LPP: variants seen among roughly 807,000 people sequenced by gnomAD.
The protein encoded by LPP is lipoma-preferred partner.
In LPP, 38 loss-of-function variants were observed where a neutral mutation model predicts 60.4. The ratio of observed to expected loss-of-function variants is 0.63; its 90% confidence interval spans 0.49 to 0.83. The LOEUF (loss-of-function observed/expected upper bound fraction) is 0.83. LPP is among the 40% of genes least tolerant of loss of function. The probability of loss-of-function intolerance (pLI) is 0.00; values close to 1 mark genes in which losing one functional copy is unlikely to be tolerated. For synonymous variants in LPP, 328 were observed against 290.8 expected (o/e 1.13, Z -1.30); for missense variants, 902 against 783.6 (o/e 1.15, Z -1.80).
chr3:188,744,557 T>A (rs1725504935), intron 8 of LPP, among the ~76,000 whole-genome samples: 1 of 152,194 alleles, frequency 6.6e-6, no homozygotes, highest in African/African-American at 2.4e-5. Flanking sequence ...TATTTAACTA[T>A]CCTGAGCCTC....
chr3:188,277,196 A>T (rs6776001), intron 2 of LPP, among the ~76,000 whole-genome samples: 1 of 151,888 alleles, frequency 6.6e-6, no homozygotes, highest in Non-Finnish European at 1.5e-5. Context: ...GAGCCACCTC[A>T]CCTGGCCAAC....
intron 7 of LPP, among the ~76,000 whole-genome samples, chr3:188,625,278 C>T (rs189561138): frequency 1.1e-4 from 17 of 152,110 alleles, no homozygotes; most frequent in African/African-American, 4.1e-4. Flanking sequence ...CATAAGAAAA[C>T]TAAGACCCAC....
At chr3:188,302,515 A>C (rs1380051343) in intron 2 of LPP, among the ~76,000 whole-genome samples, 1 of 152,226 alleles carries the variant, frequency 6.6e-6, no homozygotes, top group Non-Finnish European at 1.5e-5. Context: ...TGTGGATATA[A>C]GATTGCATTT....
chr3:188,226,392 C>A (rs1329662932), intron 2 of LPP, among the ~76,000 whole-genome samples: 2 of 152,104 alleles, frequency 1.3e-5, no homozygotes, highest in African/African-American at 4.8e-5. Context: ...TTTTAAAGGG[C>A]CTGCCAGAGC....
chr3:188,369,231 C>T (rs1196011316), intron 3 of LPP, among the ~76,000 whole-genome samples: 2 of 151,944 alleles, frequency 1.3e-5, no homozygotes, highest in Non-Finnish European at 2.9e-5. Context: ...AAAAACAGTT[C>T]TTATGCCTCT....
In LPP at chr3:188,609,350, C is replaced by G; in HGVS notation, c.619C>G (p.Pro207Ala). 3 of 1,614,132 alleles carry G rather than the reference C, an allele frequency of 1.9e-6. No individual in the cohort carries two copies. Among genetic ancestry groups the G allele is most frequent in the Non-Finnish European group, 1.7e-6 (2 of 1,180,040 alleles). ...GTLKPQPQPVPASYTTASTSS... is the reference protein window; with the variant it reads ...GTLKPQPQPVAASYTTASTSS... ...ACTCAAACCCCAGCCTCAGCCAGTC[C>G]CAGCCTCCTACACCACGGCCTCCAC... Residue 207 changes from proline to alanine, a missense_variant, in exon 7 of 12, where the codon CCA becomes GCA. Transcript: ENST00000617246. The surrounding 1 kb of genome is among the most constrained non-coding windows in gnomAD (Gnocchi z 6.9).
intron 9 of LPP, among the ~76,000 whole-genome samples, chr3:188,801,670 T>A (rs1380354715): frequency 7.9e-5 from 12 of 152,184 alleles, no homozygotes. Context: ...ATGTCTTGAC[T>A]CTTAGTACAG....
rs558121254 is a variant in LPP at position 188,657,356 on chromosome 3, G to A, written c.1113+47512G>A. Among the ~76,000 whole-genome samples the A allele has an allele frequency of 1.5e-4, 22 of 146,870 alleles. No individual in the cohort carries two copies. In the East Asian group the frequency reaches 4.5e-3, roughly 30 times the overall value. ...TATGGATAAAAAATGTATAAAAAAGGCAAAGAATTCTGTGAGTGTCATTAC... is the reference window on the plus strand; with the variant it reads ...TATGGATAAAAAATGTATAAAAAAGACAAAGAATTCTGTGAGTGTCATTAC... On this transcript the variant is annotated intron_variant, in intron 7 of 11. Transcript: ENST00000617246.
At chr3:188,412,199 T>G (rs2148934377) in intron 4 of LPP, among the ~76,000 whole-genome samples, 1 of 152,204 alleles carries the variant, frequency 6.6e-6, no homozygotes, top group African/African-American at 2.4e-5. Flanking sequence ...GACATGCCAG[T>G]TCTCACTCTT....
intron 9 of LPP, among the ~76,000 whole-genome samples, chr3:188,848,549 A>C (rs1373529721): frequency 4.6e-5 from 7 of 152,244 alleles, no homozygotes; most frequent in Admixed American, 4.6e-4. Context: ...TCCTTATGGC[A>C]TGCCATTCTG....
chr3:188,879,537 G>A lies in LPP; in HGVS notation c.*5058G>A. 1 of 195,038 alleles carries A rather than the reference G, an allele frequency of 5.1e-6. No individual in the cohort carries two copies. The highest frequency in any genetic ancestry group is 1.1e-5 in the Non-Finnish European group (1 of 93,722). The allele number at this position is 195,038 out of a possible 1,614,324, so 12.1% of individuals were successfully genotyped here. A position where few individuals can be genotyped will look rare whatever the true frequency, so the allele number is the denominator to read the frequency against. ...TTTCATGTTAATGAATTTTCATCAG[G>A]GACTGAGGTCATAGATTCTTGGAAA... is the stretch of plus-strand genomic sequence containing the variant. On this transcript the variant is annotated 3_prime_UTR_variant, in exon 12 of 12. Transcript: ENST00000617246.
chr3:188,579,878 G>A (rs2150966844), intron 6 of LPP, among the ~76,000 whole-genome samples: 1 of 151,674 alleles, frequency 6.6e-6, no homozygotes, highest in South Asian at 2.1e-4. Context: ...GGGGGTTGGG[G>A]GGGTTGGGGG....
intron 5 of LPP, among the ~76,000 whole-genome samples, chr3:188,522,784 A>AATATATATATATATATATATATAT (rs61033243): frequency 2.4e-5 from 3 of 125,310 alleles, no homozygotes; most frequent in Non-Finnish European, 5.0e-5. Context: ...GATAATATGA[A>AATATATATATATATATATATATAT]ATATATATAT....
rs1004222826 is a variant in LPP, at chr3:188,441,609, C to CTTTTTT, written c.193+35320_193+35325dup. 1.6e-3 allele frequency among the ~76,000 whole-genome samples: 87 copies of CTTTTTT among 55,612 alleles called. 2 individuals are homozygous for CTTTTTT. The highest frequency in any genetic ancestry group is 4.8e-3 in the African/African-American group (64 of 13,342). 36.5% of individuals were successfully genotyped at this position (55,612 alleles called of 152,430 possible). ...ACAGTTTCTTTTTTTCTTTTCTTTTCTTTTTTTTTTTTTTTTTTTTTTTTT... is the reference window on the plus strand; with the variant it reads ...ACAGTTTCTTTTTTTCTTTTCTTTTCTTTTTTTTTTTTTTTTTTTTTTTTTTTTTTT... On this transcript the variant is annotated intron_variant, in intron 4 of 11. Transcript: ENST00000617246.
chr3:188,283,562 G>T (rs140729158), intron 2 of LPP, among the ~76,000 whole-genome samples: 1 of 152,246 alleles, frequency 6.6e-6, no homozygotes, highest in Non-Finnish European at 1.5e-5. Flanking sequence ...TGCATGTACT[G>T]CTGACTACTG....
intron 4 of LPP, among the ~76,000 whole-genome samples, chr3:188,445,411 T>A (rs1259099252): frequency 6.6e-5 from 10 of 152,080 alleles, no homozygotes. Flanking sequence ...ACACCGTATG[T>A]TCTCACTCAT....
chr3:188,753,714 T>C (rs534304689), intron 8 of LPP, among the ~76,000 whole-genome samples: 2 of 152,210 alleles, frequency 1.3e-5, no homozygotes, highest in East Asian at 1.9e-4. Flanking sequence ...CTGTTTTGTG[T>C]CTACCACTCA....
intron 7 of LPP, among the ~76,000 whole-genome samples, chr3:188,684,282 T>C (rs888594993): frequency 6.6e-6 from 1 of 152,244 alleles, no homozygotes; most frequent in African/African-American, 2.4e-5. Flanking sequence ...ACCATTAAGC[T>C]ACAAAATTTC....
At chr3:188,258,252 T>C (rs2149655045) in intron 2 of LPP, among the ~76,000 whole-genome samples, 1 of 152,366 alleles carries the variant, frequency 6.6e-6, no homozygotes, top group Non-Finnish European at 1.5e-5. Context: ...TCCCTTCCCT[T>C]TGAACATTTC....
Sources: gnomAD v4.1 joint callset for allele counts (sites outside exome capture counted in the v4.1 genomes callset) on GRCh38, gnomAD v4.1.1 for gene constraint, Gnocchi (gnomAD v3.1) non-coding constraint, MANE v1.5 for transcripts, NCBI Gene and HGNC (gene_info 2026-07-23, HGNC 2026-07-21) for gene names.